The following AKAP6 variants were observed in gnomAD, a reference collection of about 807,000 sequenced individuals.
The protein encoded by AKAP6 is A-kinase anchoring protein 6.
A neutral mutation model predicts 188.5 loss-of-function variants in AKAP6; 58 were observed. The observed-to-expected ratio is 0.31, with a 90% CI of 0.25 to 0.38. The LOEUF (loss-of-function observed/expected upper bound fraction) is 0.38, where lower values mean the gene tolerates loss of function less well. Among genes scored for constraint, AKAP6 ranks in the 10% least tolerant of loss-of-function variants. The probability of loss-of-function intolerance (pLI) is 1.00; values close to 1 mark genes in which losing one functional copy is unlikely to be tolerated. For synonymous variants in AKAP6, 989 were observed against 998.6 expected (o/e 0.99, Z 0.18); for missense variants, 2,710 against 2,740.0 (o/e 0.99, Z 0.24).
In AKAP6 at chr14:32,804,796, C is replaced by T. The variant is rs568336232; in HGVS notation, c.3589-16606C>T. Reference sequence around the variant, plus strand: ...CCCAGAGCAGCCATTTATAGACCTCCCCCCAGGAATGCATTCCTTTCCCAG... The same window carrying T: ...CCCAGAGCAGCCATTTATAGACCTCTCCCCAGGAATGCATTCCTTTCCCAG... On this transcript the variant is annotated intron_variant, in intron 12 of 13. Transcript: ENST00000280979. Among the ~76,000 whole-genome samples the T allele has an allele frequency of 1.2e-4, 18 of 152,170 alleles. No individual in the cohort carries two copies. In the South Asian group the frequency reaches 3.7e-3, roughly 32 times the overall value.
chr14:32,705,164 C>T (rs1890761061), intron 9 of AKAP6, among the ~76,000 whole-genome samples: 1 of 152,174 alleles, frequency 6.6e-6, no homozygotes, highest in Non-Finnish European at 1.5e-5. Context: ...AGGGAATTCT[C>T]CAACCCAGCT....
chr14:32,666,115 C>A (rs1888923308), intron 7 of AKAP6, among the ~76,000 whole-genome samples: 1 of 151,752 alleles, frequency 6.6e-6, no homozygotes, highest in African/African-American at 2.4e-5. Context: ...GGTTAATAAC[C>A]AATATATTAA....
chr14:32,345,145 A>G (rs1361118273), intron 1 of AKAP6, among the ~76,000 whole-genome samples: 4 of 152,216 alleles, frequency 2.6e-5, no homozygotes, highest in Non-Finnish European at 5.9e-5. Flanking sequence ...GCCAATGAAT[A>G]TTAAAATTCA....
intron 4 of AKAP6, among the ~76,000 whole-genome samples, chr14:32,560,511 C>G (rs186158471): frequency 6.6e-6 from 1 of 151,996 alleles, no homozygotes; most frequent in African/African-American, 2.4e-5. Flanking sequence ...GCAATATATA[C>G]GGAAGATGAT....
At chr14:32,809,276 A>G (rs1382841086) in intron 12 of AKAP6, among the ~76,000 whole-genome samples, 2 of 152,246 alleles carry the variant, frequency 1.3e-5, no homozygotes, top group Non-Finnish European at 1.5e-5. Flanking sequence ...TGGCATTTAC[A>G]TGCATTTAAA....
chr14:32,508,685 T>C (rs1444261327), intron 2 of AKAP6, among the ~76,000 whole-genome samples: 1 of 152,194 alleles, frequency 6.6e-6, no homozygotes, highest in Non-Finnish European at 1.5e-5. Context: ...CTTATTTACA[T>C]GGGAGACTAT....
intron 7 of AKAP6, among the ~76,000 whole-genome samples, chr14:32,648,124 T>C (rs1888059297): frequency 6.6e-6 from 1 of 152,128 alleles, no homozygotes; most frequent in South Asian, 2.1e-4. Context: ...TGTTCCCATT[T>C]CTGTGACTTC....
chr14:32,431,414 T>TA (rs1386459865), intron 1 of AKAP6, among the ~76,000 whole-genome samples: 1 of 152,244 alleles, frequency 6.6e-6, no homozygotes, highest in African/African-American at 2.4e-5. Flanking sequence ...AGCCATTCTC[T>TA]AAGGCAGGTA....
chr14:32,365,001 A>G (rs7141313), intron 1 of AKAP6, among the ~76,000 whole-genome samples: 48,295 of 152,026 alleles, frequency 0.32, 7,860 homozygotes, highest in East Asian at 0.5. Context: ...CTTACTTTAC[A>G]TAAGAGGAAG....
At chr14:32,609,737 C>T (rs1052062206) in intron 7 of AKAP6, among the ~76,000 whole-genome samples, 1 of 152,050 alleles carries the variant, frequency 6.6e-6, no homozygotes, top group Non-Finnish European at 1.5e-5. Context: ...GATTAAAGAA[C>T]GAAGCATGTG....
At chr14:32,351,763 A>T (rs954991060) in intron 1 of AKAP6, among the ~76,000 whole-genome samples, 2 of 152,088 alleles carry the variant, frequency 1.3e-5, no homozygotes, top group Non-Finnish European at 2.9e-5. Flanking sequence ...ATGTGTGTGT[A>T]TGTATATGTT....
chr14:32,369,627 T>C (rs1383265036), intron 1 of AKAP6, among the ~76,000 whole-genome samples: 1 of 152,216 alleles, frequency 6.6e-6, no homozygotes, highest in Non-Finnish European at 1.5e-5. Context: ...ATTTAAAGAA[T>C]CTTTTCCTCA....
intron 8 of AKAP6, among the ~76,000 whole-genome samples, chr14:32,691,717 C>A (rs1340869630): frequency 6.6e-6 from 1 of 152,064 alleles, no homozygotes; most frequent in Non-Finnish European, 1.5e-5. Flanking sequence ...TGCCACCATG[C>A]CTGGCTGATT....
Position 32,705,852 on chromosome 14 carries a change from C to G in AKAP6, c.3000+9742C>G, listed in dbSNP as rs181781742. Among the ~76,000 whole-genome samples, 283 of 152,254 alleles carry G rather than the reference C, an allele frequency of 1.9e-3. 2 individuals are homozygous for G. Among genetic ancestry groups the G allele is most frequent in the African/African-American group, 6.7e-3 (279 of 41,554 alleles). On this transcript the variant is annotated intron_variant, in intron 9 of 13. Coordinates refer to ENST00000280979, the MANE Select transcript of AKAP6 (RefSeq NM_004274.5). ...CTTAGGCTAATGGCACAGCCACCGTCTTAAATATTCCCTTACTATGGTAGA... is the reference window on the plus strand; with the variant it reads ...CTTAGGCTAATGGCACAGCCACCGTGTTAAATATTCCCTTACTATGGTAGA...
intron 2 of AKAP6, among the ~76,000 whole-genome samples, chr14:32,473,196 A>G (rs958943693): frequency 1.1e-4 from 17 of 152,176 alleles, no homozygotes; most frequent in Non-Finnish European, 1.0e-4. Context: ...ATTTAGAGTT[A>G]TTTTTTACTT....
intron 12 of AKAP6, among the ~76,000 whole-genome samples, chr14:32,786,474 ATTATT>A (rs1222520748): frequency 2.9e-4 from 30 of 102,512 alleles, no homozygotes; most frequent in East Asian, 6.5e-4. Context: ...CGCCCGGCTA[ATTATT>A]TTATTTTATT....
chr14:32,648,544 C>T (rs1309357502), intron 7 of AKAP6, among the ~76,000 whole-genome samples: 6 of 152,100 alleles, frequency 3.9e-5, no homozygotes. Flanking sequence ...TTCCAATTGC[C>T]TAGATGTGCT....
chr14:32,526,438 G>A (rs1219784341), intron 2 of AKAP6, among the ~76,000 whole-genome samples: 2 of 152,076 alleles, frequency 1.3e-5, no homozygotes, highest in East Asian at 3.9e-4. Context: ...TCACCACATT[G>A]CCCCGGCTGG....
intron 9 of AKAP6, among the ~76,000 whole-genome samples, chr14:32,725,422 C>T (rs921210997): frequency 6.6e-6 from 1 of 152,232 alleles, no homozygotes; most frequent in Non-Finnish European, 1.5e-5. Flanking sequence ...ACAGATGAAG[C>T]TGTACAGTTT....
Sources: gnomAD v4.1 joint callset for allele counts (sites outside exome capture counted in the v4.1 genomes callset) on GRCh38, gnomAD v4.1.1 for gene constraint, MANE v1.5 for transcripts, NCBI Gene and HGNC (gene_info 2026-07-23, HGNC 2026-07-21) for gene names.